FSTL4: variants seen among roughly 807,000 people sequenced by gnomAD.
FSTL4 encodes follistatin like 4, also known as follistatin-related protein 4.
In FSTL4, 28 loss-of-function variants were observed where a neutral mutation model predicts 78.2. That is an observed-to-expected ratio of 0.36 (90% CI 0.27 to 0.49). The LOEUF (loss-of-function observed/expected upper bound fraction) is 0.49, where lower values mean the gene tolerates loss of function less well. Among genes scored for constraint, FSTL4 ranks in the 20% least tolerant of loss-of-function variants. The pLI is 0.98. For synonymous variants in FSTL4, 422 were observed against 440.5 expected (o/e 0.96, Z 0.53); for missense variants, 922 against 1,084.9 (o/e 0.85, Z 2.11).
intron 6 of FSTL4, among the ~76,000 whole-genome samples, chr5:133,250,731 GT>G (rs1297658678): frequency 6.6e-6 from 1 of 152,242 alleles, no homozygotes; most frequent in Non-Finnish European, 1.5e-5. Context: ...ACAGCCGCAG[GT>G]GCAAGGCACA....
At chr5:133,253,978 T>C (rs186858098) in intron 6 of FSTL4, among the ~76,000 whole-genome samples, 2 of 152,302 alleles carry the variant, frequency 1.3e-5, no homozygotes, top group East Asian at 3.9e-4. Flanking sequence ...ACCTCCAAGA[T>C]GACCTCATGG....
At chr5:133,463,205 G>A (rs1030539959) in intron 3 of FSTL4, among the ~76,000 whole-genome samples, 2 of 152,178 alleles carry the variant, frequency 1.3e-5, no homozygotes, top group African/African-American at 4.8e-5. Flanking sequence ...ACAAATTTTA[G>A]TCAGGCTTTT....
At chr5:133,382,599 A>T (rs1755599583) in intron 4 of FSTL4, among the ~76,000 whole-genome samples, 1 of 152,206 alleles carries the variant, frequency 6.6e-6, no homozygotes, top group Non-Finnish European at 1.5e-5. Context: ...TTGCTGGCTC[A>T]TGTGGGGTTG....
chr5:133,774,574 C>A, the FSTL4 span, among the ~76,000 whole-genome samples: 3,507 of 152,226 alleles, frequency 0.023, 104 homozygotes, highest in African/African-American at 0.071. Context: ...GGGACACTTA[C>A]GTAGTTGAGA....
the FSTL4 span, among the ~76,000 whole-genome samples, chr5:133,808,164 A>G: frequency 6.6e-6 from 1 of 152,368 alleles, no homozygotes; most frequent in South Asian, 2.1e-4. Flanking sequence ...ATTTTTCCCC[A>G]GAATTTAAAC....
At chr5:133,367,252 C>A (rs1002109607) in intron 4 of FSTL4, among the ~76,000 whole-genome samples, 2 of 152,146 alleles carry the variant, frequency 1.3e-5, no homozygotes, top group African/African-American at 4.8e-5. Context: ...GCCAGTAATC[C>A]CTGTTCCAAA....
chr5:133,582,910 A>G (rs1238547947), intron 2 of FSTL4, among the ~76,000 whole-genome samples: 7 of 151,972 alleles, frequency 4.6e-5, no homozygotes, highest in African/African-American at 1.7e-4. Context: ...ACCACTCACT[A>G]GCCATGGCCA....
At chr5:133,639,290 A>G in the FSTL4 span, among the ~76,000 whole-genome samples, 1 of 152,180 alleles carries the variant, frequency 6.6e-6, no homozygotes, top group African/African-American at 2.4e-5. Context: ...TATTGGGTTC[A>G]TTACTACGTC....
chr5:133,407,868 T>C (rs1170036385), intron 3 of FSTL4, among the ~76,000 whole-genome samples: 1 of 152,216 alleles, frequency 6.6e-6, no homozygotes, highest in Non-Finnish European at 1.5e-5. Flanking sequence ...TGAGCATATG[T>C]TAAAGCTGTG....
intron 3 of FSTL4, among the ~76,000 whole-genome samples, chr5:133,478,164 T>C (rs1234426687): frequency 6.6e-6 from 1 of 152,240 alleles, no homozygotes; most frequent in Non-Finnish European, 1.5e-5. Flanking sequence ...GAAAAATGTG[T>C]GGGAATGAGC....
chr5:133,664,652 T>C, the FSTL4 span, among the ~76,000 whole-genome samples: 1 of 152,262 alleles, frequency 6.6e-6, no homozygotes, highest in Non-Finnish European at 1.5e-5. Flanking sequence ...ATGATTCATC[T>C]GTCCTTTGCA....
the FSTL4 span, among the ~76,000 whole-genome samples, chr5:133,736,158 G>A: frequency 3.9e-5 from 6 of 152,274 alleles, no homozygotes; most frequent in East Asian, 1.9e-4. Flanking sequence ...CTTGGCCTAC[G>A]GTAAAAGGAA....
At chr5:133,248,481 C>G (rs1289957081) in intron 7 of FSTL4, 1 of 152,246 alleles carries the variant, frequency 6.6e-6, no homozygotes, top group South Asian at 2.1e-4. Flanking sequence ...GGTGACATCA[C>G]TCTGTCTTCT....
intron 2 of FSTL4, among the ~76,000 whole-genome samples, chr5:133,570,113 G>A (rs1183865865): frequency 6.6e-6 from 1 of 151,646 alleles, no homozygotes; most frequent in Non-Finnish European, 1.5e-5. Context: ...GGAGTCTGAG[G>A]CTGGAGAATG....
chr5:133,333,279 G>C (rs536977696), intron 4 of FSTL4, among the ~76,000 whole-genome samples: 76 of 152,340 alleles, frequency 5.0e-4, no homozygotes, highest in African/African-American at 1.7e-3. Flanking sequence ...AGGAAACTGA[G>C]GCCAAGGAAC....
chr5:133,516,066 G>A (rs529501977), intron 3 of FSTL4, among the ~76,000 whole-genome samples: 2 of 152,046 alleles, frequency 1.3e-5, no homozygotes, highest in African/African-American at 4.8e-5. Context: ...AACGTGCCAT[G>A]ACCAAGGAGG....
the FSTL4 span, among the ~76,000 whole-genome samples, chr5:133,744,733 G>A: frequency 6.6e-6 from 1 of 152,134 alleles, no homozygotes; most frequent in Non-Finnish European, 1.5e-5. Flanking sequence ...GCATGCACCG[G>A]ACTAAGATGC....
chr5:133,427,687 CT>C, intron 3 of FSTL4: 4 of 520,726 alleles, frequency 7.7e-6, no homozygotes, highest in Non-Finnish European at 1.6e-5. Flanking sequence ...AGGAATGTGC[CT>C]TTTTAACTAG....
chr5:133,446,598 C>G (rs984898509), intron 3 of FSTL4, among the ~76,000 whole-genome samples: 23 of 152,190 alleles, frequency 1.5e-4, no homozygotes, highest in Non-Finnish European at 3.2e-4. Context: ...TCAGGAGAGC[C>G]TGCCTGGAAC....
Sources: allele counts gnomAD v4.1 joint callset (sites outside exome capture counted in the v4.1 genomes callset), GRCh38; gene constraint gnomAD v4.1.1; transcripts MANE v1.5; gene names NCBI Gene and HGNC (gene_info 2026-07-23, HGNC 2026-07-21).